The following KBTBD12 variants were observed in gnomAD, a reference collection of about 807,000 sequenced individuals.
The protein encoded by KBTBD12 is kelch repeat and BTB domain containing 12.
KBTBD12 carries 53 observed loss-of-function variants against 58.7 expected under a neutral mutation model. The observed-to-expected ratio is 0.90, with a 90% confidence interval of 0.72 to 1.14. KBTBD12 has a LOEUF of 1.14. KBTBD12 is among the 50% of genes most tolerant of loss of function. The pLI, the probability that KBTBD12 is intolerant of heterozygous loss-of-function variation, is 0.00. For synonymous variants in KBTBD12, 236 were observed against 259.8 expected, an observed-to-expected ratio of 0.91 and a Z score of 0.88; for missense variants, 704 against 751.3, an observed-to-expected ratio of 0.94 and a Z score of 0.74.
intron 4 of KBTBD12, among the ~76,000 whole-genome samples, chr3:127,937,680 A>G (rs1308544488): frequency 6.6e-6 from 1 of 152,202 alleles, no homozygotes. Context: ...AGTGAAAGGC[A>G]CTAATGCACA....
chr3:127,979,341 C>T (rs890498226), intron 5 of KBTBD12, among the ~76,000 whole-genome samples: 11 of 152,124 alleles, frequency 7.2e-5, no homozygotes, highest in African/African-American at 2.7e-4. Context: ...AGACTTAGTG[C>T]TCCAGGAAGT....
chr3:127,928,256 A>C (rs1000707723), intron 3 of KBTBD12: 4 of 539,872 alleles, frequency 7.4e-6, no homozygotes, highest in Non-Finnish European at 1.3e-5. Context: ...TTCAGTTTTC[A>C]TGCTGTGCTC....
At chr3:127,937,465 T>C (rs1420378392) in intron 4 of KBTBD12, among the ~76,000 whole-genome samples, 1 of 152,000 alleles carries the variant, frequency 6.6e-6, no homozygotes, top group Non-Finnish European at 1.5e-5. Flanking sequence ...TAGAAGAAAG[T>C]TCTGAAAATT....
intron 5 of KBTBD12, among the ~76,000 whole-genome samples, chr3:127,967,129 C>A (rs1168514356): frequency 1.3e-5 from 2 of 151,944 alleles, no homozygotes; most frequent in African/African-American, 4.8e-5. Flanking sequence ...GATGTGGGAC[C>A]CAAGAACAGA....
At chr3:127,916,958 G>A (rs16838954) in intron 1 of KBTBD12, among the ~76,000 whole-genome samples, 8,670 of 152,260 alleles carry the variant, frequency 0.057, 284 homozygotes, top group East Asian at 0.097. Flanking sequence ...GTTGGCGAGT[G>A]GGAAAAAACA....
At chr3:127,966,012 A>G (rs75977947) in intron 5 of KBTBD12, among the ~76,000 whole-genome samples, 2 of 152,352 alleles carry the variant, frequency 1.3e-5, no homozygotes, top group East Asian at 3.9e-4. Context: ...TAGCTGAAAG[A>G]CAGGAAGACC....
chr3:127,975,222 G>A (rs990837320), intron 5 of KBTBD12, among the ~76,000 whole-genome samples: 11 of 152,108 alleles, frequency 7.2e-5, no homozygotes, highest in Admixed American at 1.3e-4. Flanking sequence ...AACACACCTC[G>A]CAGTTGTCTC....
intron 5 of KBTBD12, 108 bp from the exon 6 acceptor site, chr3:127,983,989 G>T: frequency 1.2e-6 from 1 of 809,726 alleles, no homozygotes; most frequent in African/African-American, 1.7e-5. Context: ...GTAACAGCAA[G>T]TGGACTAAGA....
chr3:127,978,787 A>G (rs181318981), intron 5 of KBTBD12, among the ~76,000 whole-genome samples: 7 of 152,252 alleles, frequency 4.6e-5, no homozygotes, highest in African/African-American at 1.4e-4. Context: ...TGGCCACGTC[A>G]CCTTGGAGGC....
intron 4 of KBTBD12, among the ~76,000 whole-genome samples, chr3:127,944,490 G>A (rs990553476): frequency 6.6e-6 from 1 of 151,882 alleles, no homozygotes; most frequent in African/African-American, 2.4e-5. Flanking sequence ...AGTGGTTGTT[G>A]GTATAAAGAA....
chr3:127,983,591 A>G (rs1006556701), intron 5 of KBTBD12, among the ~76,000 whole-genome samples: 13 of 152,234 alleles, frequency 8.5e-5, no homozygotes, highest in Non-Finnish European at 1.8e-4. Flanking sequence ...CGTCTCTACT[A>G]AAAATACAAA....
intron 1 of KBTBD12, among the ~76,000 whole-genome samples, chr3:127,922,305 T>C (rs188665668): frequency 1.3e-5 from 2 of 152,234 alleles, no homozygotes; most frequent in Admixed American, 1.3e-4. Context: ...TAGGGTAATT[T>C]AGTTGTATAT....
At chr3:127,956,846 G>T (rs1940330680) in intron 4 of KBTBD12, among the ~76,000 whole-genome samples, 1 of 152,210 alleles carries the variant, frequency 6.6e-6, no homozygotes, top group Non-Finnish European at 1.5e-5. Context: ...GCAAATCTTA[G>T]GCATGTCTTT....
At chr3:127,925,770 C>T (rs1457982879) in intron 2 of KBTBD12, among the ~76,000 whole-genome samples, 1 of 152,162 alleles carries the variant, frequency 6.6e-6, no homozygotes, top group East Asian at 1.9e-4. Flanking sequence ...TTGCTTTAGG[C>T]TTAAATGAGA....
In KBTBD12 at chr3:127,922,981, A is replaced by G. The variant is rs1939455336; in HGVS notation, c.-81A>G. The G allele has an allele frequency of 1.3e-5, 10 of 763,074 alleles. No homozygotes were observed. In the South Asian group the frequency reaches 1.9e-4, roughly 15 times the overall value. 47.3% of individuals were successfully genotyped at this position (763,074 alleles called of 1,614,324 possible). On this transcript the variant is annotated 5_prime_UTR_variant, in exon 2 of 6. It removes the in-frame stop codon of an upstream open reading frame in the 5' UTR. Transcript: ENST00000405109. Reference sequence around the variant, plus strand: ...TTCCTGACATCTTTGTAGCTTCATGAGTAATCAGACATGCAAATAGCCCCT... The same window carrying G: ...TTCCTGACATCTTTGTAGCTTCATGGGTAATCAGACATGCAAATAGCCCCT...
At chr3:127,931,933 T>A (rs1559762959) in intron 4 of KBTBD12, among the ~76,000 whole-genome samples, 1 of 152,062 alleles carries the variant, frequency 6.6e-6, no homozygotes, top group Non-Finnish European at 1.5e-5. Context: ...GAGAAAGAGC[T>A]GAGTAGTAAA....
In KBTBD12 at chr3:127,984,301, C is replaced by T. The variant is rs34959313; in HGVS notation, c.*23C>T. 0.011 allele frequency: 17,704 copies of T among 1,604,628 alleles called. 142 individuals carry two copies. Among genetic ancestry groups the T allele is most frequent in the Admixed American group, 0.015 (866 of 58,992 alleles). ...TAAGGTGACCTTGCTGGAGGACCTCCTGCTGTTCTGCAAACAAGGCCTTCA... is the reference window on the plus strand; with the variant it reads ...TAAGGTGACCTTGCTGGAGGACCTCTTGCTGTTCTGCAAACAAGGCCTTCA... On this transcript the variant is annotated 3_prime_UTR_variant, in exon 6 of 6. Transcript: ENST00000405109.
chr3:127,953,239 G>A (rs193007846), intron 4 of KBTBD12, among the ~76,000 whole-genome samples: 1 of 152,214 alleles, frequency 6.6e-6, no homozygotes, highest in East Asian at 1.9e-4. Flanking sequence ...TGTTCAGCCC[G>A]TCATCTTATT....
At chr3:127,925,447 C>A (rs1432500489) in intron 2 of KBTBD12, among the ~76,000 whole-genome samples, 1 of 152,156 alleles carries the variant, frequency 6.6e-6, no homozygotes, top group Non-Finnish European at 1.5e-5. Flanking sequence ...AGGTTCTTTA[C>A]ATAGTTTTTT....
Sources: gnomAD v4.1 joint callset for allele counts (sites outside exome capture counted in the v4.1 genomes callset) on GRCh38, gnomAD v4.1.1 for gene constraint, MANE v1.5 for transcripts, NCBI Gene and HGNC (gene_info 2026-07-23, HGNC 2026-07-21) for gene names.